KPNB1: variants seen among roughly 807,000 people sequenced by gnomAD.
The protein encoded by KPNB1 is karyopherin subunit beta 1, also known as importin subunit beta-1.
In KPNB1, 7 loss-of-function variants were observed where a neutral mutation model predicts 113.0. The ratio of observed to expected loss-of-function variants is 0.06; its 90% CI spans 0.04 to 0.12. The LOEUF is 0.12. Ranked by LOEUF, KPNB1 falls within the 10% of genes least tolerant of loss-of-function variation. KPNB1 has a pLI of 1.00. For synonymous variants in KPNB1, 363 were observed against 378.6 expected, an observed-to-expected ratio of 0.96 and a Z score of 0.48; for missense variants, 400 against 1,054.8, an observed-to-expected ratio of 0.38 and a Z score of 8.60.
intron 9 of KPNB1, among the ~76,000 whole-genome samples, chr17:47,666,527 T>C (rs989446919): frequency 1.8e-5 from 2 of 111,804 alleles, no homozygotes; most frequent in African/African-American, 2.9e-5. Context: ...TTTATATGTA[T>C]TATGTTATAT....
intron 9 of KPNB1, among the ~76,000 whole-genome samples, chr17:47,665,439 G>T (rs2030238925): frequency 6.6e-6 from 1 of 152,306 alleles, no homozygotes; most frequent in Admixed American, 6.5e-5. Flanking sequence ...TAAAAGAAAG[G>T]TGCTCTGTCA....
At chr17:47,675,949 T>G (rs1464524009) in intron 15 of KPNB1, among the ~76,000 whole-genome samples, 2 of 152,212 alleles carry the variant, frequency 1.3e-5, no homozygotes, top group Admixed American at 6.5e-5. Flanking sequence ...AGTGGCTGAT[T>G]TGGATCTGAA....
At chr17:47,663,357 T>G (rs554510964) in intron 7 of KPNB1, among the ~76,000 whole-genome samples, 179 bp downstream of exon 7, 1 of 152,162 alleles carries the variant, frequency 6.6e-6, no homozygotes, top group African/African-American at 2.4e-5. Flanking sequence ...GCTAACTTTG[T>G]GTGGGTAAAA....
At chr17:47,680,362 A>T in intron 20 of KPNB1, 146 bp from the exon 21 acceptor site, 1 of 913,782 alleles carries the variant, frequency 1.1e-6, no homozygotes, top group Non-Finnish European at 1.7e-6. Flanking sequence ...GTTGGTCAAC[A>T]ATTGCCTCTG....
intron 21 of KPNB1, 96 bp downstream of exon 21, chr17:47,680,765 T>G: frequency 8.5e-7 from 1 of 1,179,542 alleles, no homozygotes; most frequent in African/African-American, 1.6e-5. Context: ...CCTTCTGGCA[T>G]TTTTTTTGTT....
chr17:47,667,131 G>A (rs1265751317), intron 9 of KPNB1, among the ~76,000 whole-genome samples: 1 of 151,114 alleles, frequency 6.6e-6, no homozygotes, highest in South Asian at 2.1e-4. Context: ...GGTTTTTTGG[G>A]GTGGCGTTGG....
chr17:47,664,948 C>G (rs2030222405), intron 8 of KPNB1, 109 bp from the exon 9 acceptor site: 1 of 799,490 alleles, frequency 1.3e-6, no homozygotes, highest in Non-Finnish European at 2.1e-6. Context: ...ACCATTTGTC[C>G]TTGTATGTTT....
rs1448233604 is a variant in KPNB1, at chr17:47,684,434, G to A, written c.*2030G>A. The A allele has an allele frequency of 2.0e-5, 3 of 152,054 alleles. No homozygotes were observed. Among genetic ancestry groups the A allele is most frequent in the Admixed American group, 1.3e-4 (2 of 15,246 alleles). The allele number at this position is 152,054 out of a possible 1,614,324, so 9.4% of individuals were successfully genotyped here. On this transcript the variant is annotated 3_prime_UTR_variant, in exon 22 of 22. Coordinates refer to ENST00000290158, the MANE Select transcript of KPNB1 (RefSeq NM_002265.6). ...ACCAGCTCCTAAGCCCTATTAAGAA[G>A]AGGCCTGGTCCTCTAATGCCTTGTT... is the stretch of plus-strand genomic sequence containing the variant.
At chr17:47,674,229 ATAGG>A (rs1027637637) in intron 14 of KPNB1, among the ~76,000 whole-genome samples, 11 of 152,322 alleles carry the variant, frequency 7.2e-5, no homozygotes, top group Middle Eastern at 3.4e-3. Context: ...TCATCTGTAA[ATAGG>A]TAGGATATAG....
intron 7 of KPNB1, 81 bp from the exon 8 acceptor site, chr17:47,664,078 G>T (rs1166395163): frequency 2.7e-6 from 2 of 744,206 alleles, no homozygotes; most frequent in African/African-American, 1.8e-5. Context: ...AAATTTGCAT[G>T]TCTGTGGTTA....
intron 9 of KPNB1, 103 bp from the exon 10 acceptor site, chr17:47,668,083 C>G: frequency 1.2e-6 from 1 of 823,206 alleles, no homozygotes; most frequent in Non-Finnish European, 1.9e-6. Context: ...TTTTATTTCC[C>G]TGGAGTTTAA....
At chr17:47,678,505 C>T (rs1355337627) in intron 19 of KPNB1, 92 bp downstream of exon 19, 2 of 854,560 alleles carry the variant, frequency 2.3e-6, no homozygotes, top group African/African-American at 3.3e-5. Context: ...CGCTTGTGAA[C>T]CTAGTGCCTG....
rs370940632 is a variant in KPNB1, at chr17:47,650,358, G to A, written c.41-28G>A. The A allele has an allele frequency of 5.4e-5, 87 of 1,610,702 alleles. No individual in the cohort carries two copies. In the African/African-American group the frequency reaches 1.0e-3, roughly 19 times the overall value. The stretch of plus-strand genomic sequence containing the variant: ...GGGGAGGCCCGGCCCCTCTGACCCC[G>A]CTCCGTCTCCCACTTTCCTCCCCCT... On this transcript the variant is annotated intron_variant, in intron 1 of 21. Transcript: ENST00000290158.
At position 47,656,174 on chromosome 17, in the gene KPNB1, G is replaced by T. The variant is rs537026309; in HGVS notation, c.283-686G>T. ...TGGGGGGAGCTAAGGCAGGAGAATCGCTTGAACCCAGAAGGCGGAGGTTGC... is the reference window on the plus strand; with the variant it reads ...TGGGGGGAGCTAAGGCAGGAGAATCTCTTGAACCCAGAAGGCGGAGGTTGC... On this transcript the variant is annotated intron_variant, in intron 3 of 21. Coordinates refer to ENST00000290158, the MANE Select transcript of KPNB1 (RefSeq NM_002265.6). Among the ~76,000 whole-genome samples, 120 of 152,180 alleles carry T rather than the reference G, an allele frequency of 7.9e-4. 1 individual carries two copies. Among genetic ancestry groups the T allele is most frequent in the Non-Finnish European group, 3.4e-4 (23 of 68,008 alleles).
chr17:47,662,635 A>G (rs1597928040), intron 6 of KPNB1, among the ~76,000 whole-genome samples: 1 of 151,282 alleles, frequency 6.6e-6, no homozygotes, highest in East Asian at 1.9e-4. Flanking sequence ...TAATCCTAGC[A>G]CTTTAGGTGG....
At chr17:47,650,562 C>G (rs1027013429) in intron 2 of KPNB1, 118 bp downstream of exon 2, 38 of 721,898 alleles carry the variant, frequency 5.3e-5, no homozygotes, top group Non-Finnish European at 2.3e-6. Flanking sequence ...CCGTCCCCCT[C>G]CCCCCTCCCC....
chr17:47,663,134 T>C lies in KPNB1; in HGVS notation c.742T>C (p.Tyr248His). Residue 248 changes from tyrosine (Y) to histidine (H), a missense_variant, in exon 7 of 22, where the codon TAT (tyrosine) becomes CAT (histidine). Physicochemically the swap from Tyr to His is moderately conservative, Grantham distance 83. This residue lies in a region of KPNB1 where 285 missense variants were observed against 627.0 expected (regional missense o/e 0.45). Transcript: ENST00000290158. Reference protein sequence around the residue: ...LQNLVKIMSLYYQYMETYMGP... With the variant: ...LQNLVKIMSLHYQYMETYMGP... ...GAATCTGGTGAAGATAATGTCCTTA[T>C]ATTATCAGTACATGGAGACATATAT... The C allele has an allele frequency of 6.3e-7, 1 of 1,599,026 alleles. No individual in the cohort carries two copies. Among genetic ancestry groups the C allele is most frequent in the Non-Finnish European group, 8.6e-7 (1 of 1,166,338 alleles).
Position 47,673,357 on chromosome 17 carries a change from T to TA in KPNB1, c.1696-132dup, listed in dbSNP as rs1442631636. ...TGTCATGGTTTACTCATATATGTGT[T>TA]ACACTATATGTATTATGGGTTTTTT... On this transcript the variant is annotated intron_variant, in intron 13 of 21. Coordinates refer to ENST00000290158, the MANE Select transcript of KPNB1 (RefSeq NM_002265.6). 3.4e-5 allele frequency: 30 copies of TA among 881,048 alleles called. No homozygotes were observed. In the Admixed American group the frequency reaches 4.8e-4, roughly 14 times the overall value. 54.6% of individuals were successfully genotyped at this position (881,048 alleles called of 1,614,324 possible).
Position 47,652,860 on chromosome 17 carries a change from G to A in KPNB1, c.266G>A (p.Arg89Gln), listed in dbSNP as rs1256069155. ...CTTGCTATTGATGCTAATGCTCGACGAGAAGTCAAGAACTATGTGAGTAAC... is the reference window on the plus strand; with the variant it reads ...CTTGCTATTGATGCTAATGCTCGACAAGAAGTCAAGAACTATGTGAGTAAC... ...RWLAIDANARREVKNYVLQTL... is the reference protein window; with the variant it reads ...RWLAIDANARQEVKNYVLQTL... The change falls in exon 3 of 22, where the codon CGA becomes CAA. Residue 89 changes from arginine to glutamine, a missense_variant. Arg to Gln is a conservative substitution (Grantham distance 43). Coordinates refer to ENST00000290158, the MANE Select transcript of KPNB1 (RefSeq NM_002265.6). The A allele has an allele frequency of 9.4e-6, 15 of 1,595,508 alleles. No individual in the cohort carries two copies. Among genetic ancestry groups the A allele is most frequent in the Non-Finnish European group, 1.2e-5 (14 of 1,173,192 alleles).
Sources: allele counts gnomAD v4.1 joint callset (sites outside exome capture counted in the v4.1 genomes callset), GRCh38; gene constraint gnomAD v4.1.1; regional missense constraint gnomAD v4.1.1; transcripts MANE v1.5; gene names NCBI Gene and HGNC (gene_info 2026-07-23, HGNC 2026-07-21).